Variants in CNTNAP2 observed in about 807,000 individuals in gnomAD.
The protein encoded by CNTNAP2 is contactin-associated protein-like 2.
A neutral mutation model predicts 155.2 loss-of-function variants in CNTNAP2; 98 were observed. The ratio of observed to expected loss-of-function variants is 0.63; its 90% CI spans 0.54 to 0.75. The LOEUF (loss-of-function observed/expected upper bound fraction) is 0.75. CNTNAP2 is among the 30% of genes least tolerant of loss of function. The pLI is 0.00. For missense variants in CNTNAP2, 1,727 were observed against 1,688.1 expected, an observed-to-expected ratio of 1.02 and a Z score of -0.40; for synonymous variants, 651 against 631.2, an observed-to-expected ratio of 1.03 and a Z score of -0.47.
chr7:146,671,410 TTCTC>T (rs1234675545), intron 1 of CNTNAP2, among the ~76,000 whole-genome samples: 2 of 147,784 alleles, frequency 1.4e-5, no homozygotes, highest in East Asian at 4.0e-4. Flanking sequence ...GTCTCCCTGT[TTCTC>T]TCTTTTTTTG....
At chr7:146,145,160 G>A (rs977753487) in intron 1 of CNTNAP2, among the ~76,000 whole-genome samples, 9 of 152,070 alleles carry the variant, frequency 5.9e-5, no homozygotes, top group East Asian at 1.9e-4. Context: ...GCCATTTTTC[G>A]TGATTGAAAG....
At chr7:146,832,053 T>C (rs1441956131) in intron 2 of CNTNAP2, among the ~76,000 whole-genome samples, 3 of 152,208 alleles carry the variant, frequency 2.0e-5, no homozygotes, top group Non-Finnish European at 4.4e-5. Flanking sequence ...GCTACTCTAA[T>C]CAACAAATAT....
chr7:146,790,561 G>A lies in CNTNAP2; in HGVS notation c.208+16180G>A, dbSNP rs146175562. On this transcript the variant is annotated intron_variant, in intron 2 of 23. Transcript: ENST00000361727. ...AAAACTATCTTATCTTCGTGATTTG[G>A]TCAGTGATTTTTTTTTTTTTTTTTG... Among the ~76,000 whole-genome samples, 335 of 149,242 alleles carry A rather than the reference G, an allele frequency of 2.2e-3. 4 individuals are homozygous for A. The highest frequency in any genetic ancestry group is 7.9e-3 in the African/African-American group (310 of 39,352).
chr7:146,355,207 T>C (rs1794980393), intron 1 of CNTNAP2, among the ~76,000 whole-genome samples: 1 of 152,238 alleles, frequency 6.6e-6, no homozygotes, highest in African/African-American at 2.4e-5. Context: ...GAAGAAATCA[T>C]AAACTTTAAC....
chr7:146,726,182 CAA>C (rs1174227974), intron 1 of CNTNAP2, among the ~76,000 whole-genome samples: 1 of 152,046 alleles, frequency 6.6e-6, no homozygotes, highest in African/African-American at 2.4e-5. Flanking sequence ...TATAGAGAAA[CAA>C]AGGTTTTCTT....
intron 1 of CNTNAP2, among the ~76,000 whole-genome samples, chr7:146,263,964 G>C (rs1405896985): frequency 6.6e-6 from 1 of 152,192 alleles, no homozygotes; most frequent in Non-Finnish European, 1.5e-5. Flanking sequence ...AAATGAAGAA[G>C]TCATTATCAA....
intron 8 of CNTNAP2, among the ~76,000 whole-genome samples, chr7:147,272,664 A>ATTTTTTTTTTTTTTTTTTTTTT (rs71182188): frequency 1.4e-5 from 2 of 138,928 alleles, no homozygotes; most frequent in Non-Finnish European, 3.2e-5. Flanking sequence ...CGCCCGGCTA[A>ATTTTTTTTTTTTTTTTTTTTTT]TTTTTTTTTT....
intron 9 of CNTNAP2, among the ~76,000 whole-genome samples, chr7:147,387,594 A>T (rs1608786): frequency 0.64 from 96,559 of 151,970 alleles, 31,618 homozygotes; most frequent in African/African-American, 0.8. Context: ...ATATTTTTAA[A>T]ATTGGGGTAC....
At chr7:147,189,839 A>G (rs576236522) in intron 8 of CNTNAP2, among the ~76,000 whole-genome samples, 106 of 152,014 alleles carry the variant, frequency 7.0e-4, no homozygotes, top group African/African-American at 2.5e-3. Context: ...CCGCCCCCCA[A>G]GTTCACACCA....
chr7:146,652,184 AGTGTTAATTACTT>A (rs1349188401), intron 1 of CNTNAP2, among the ~76,000 whole-genome samples: 1 of 151,992 alleles, frequency 6.6e-6, no homozygotes, highest in Admixed American at 6.6e-5. Context: ...TGCATTTATT[AGTGTTAATTACTT>A]GTGTTAATTT....
intron 1 of CNTNAP2, among the ~76,000 whole-genome samples, chr7:146,351,250 A>G (rs1044343624): frequency 1.3e-5 from 2 of 151,768 alleles, no homozygotes; most frequent in African/African-American, 4.9e-5. Flanking sequence ...AAAATAAAAT[A>G]AGTTTACTTG....
chr7:147,842,044 TA>T (rs1420352078), intron 13 of CNTNAP2, among the ~76,000 whole-genome samples: 3 of 152,228 alleles, frequency 2.0e-5, no homozygotes, highest in Admixed American at 6.5e-5. Flanking sequence ...TTATTATCAT[TA>T]AAAATAAATA....
intron 13 of CNTNAP2, chr7:147,831,663 C>A (rs764408069): frequency 2.0e-5 from 3 of 152,158 alleles, no homozygotes; most frequent in Non-Finnish European, 4.4e-5. Flanking sequence ...GTTTAACATA[C>A]AGGAAGCAAA....
At chr7:146,904,334 C>T (rs1796071210) in intron 3 of CNTNAP2, among the ~76,000 whole-genome samples, 1 of 152,118 alleles carries the variant, frequency 6.6e-6, no homozygotes, top group Non-Finnish European at 1.5e-5. Flanking sequence ...GAATTGTGGC[C>T]CCATACCTGT....
intron 2 of CNTNAP2, among the ~76,000 whole-genome samples, chr7:146,811,855 T>C (rs922943518): frequency 6.6e-6 from 1 of 152,172 alleles, no homozygotes; most frequent in Non-Finnish European, 1.5e-5. Context: ...AAGAGGCTTT[T>C]TTCTCTTTGC....
chr7:146,533,972 T>C lies in CNTNAP2; in HGVS notation c.98-240299T>C, dbSNP rs73466751. ...AGTTAGAAAAGCATTGAATTAAAAA[T>C]AGTCTATGTAAAATTCCAATCTTGT... On this transcript the variant is annotated intron_variant, in intron 1 of 23. Coordinates refer to ENST00000361727, the MANE Select transcript of CNTNAP2 (RefSeq NM_014141.6). Among the ~76,000 whole-genome samples, 644 of 152,216 alleles carry C rather than the reference T, an allele frequency of 4.2e-3. 5 individuals are homozygous for C. The highest frequency in any genetic ancestry group is 0.015 in the African/African-American group (617 of 41,554).
intron 6 of CNTNAP2, among the ~76,000 whole-genome samples, chr7:147,127,237 C>T (rs1045327668): frequency 2.0e-5 from 3 of 152,036 alleles, no homozygotes; most frequent in Non-Finnish European, 4.4e-5. Flanking sequence ...ATTACTATTT[C>T]TTCTTTGTAG....
At chr7:147,070,417 A>C (rs1374034603) in intron 4 of CNTNAP2, among the ~76,000 whole-genome samples, 1 of 152,208 alleles carries the variant, frequency 6.6e-6, no homozygotes, top group Non-Finnish European at 1.5e-5. Context: ...TCAAGGTTCA[A>C]ATGCTCTGAG....
intron 1 of CNTNAP2, among the ~76,000 whole-genome samples, chr7:146,149,541 G>A (rs1254990403): frequency 6.6e-6 from 1 of 152,068 alleles, no homozygotes; most frequent in Non-Finnish European, 1.5e-5. Flanking sequence ...ATTTAGGATA[G>A]TGAGAGGATA....
Sources: gnomAD v4.1 joint callset for allele counts (sites outside exome capture counted in the v4.1 genomes callset) on GRCh38, gnomAD v4.1.1 for gene constraint, MANE v1.5 for transcripts, NCBI Gene and HGNC (gene_info 2026-07-23, HGNC 2026-07-21) for gene names.